PCDHA12: variants seen among roughly 807,000 people sequenced by gnomAD.
PCDHA12 encodes the protein protocadherin alpha-12.
In PCDHA12, 44 loss-of-function variants were observed where a neutral mutation model predicts 60.0. That is an observed-to-expected ratio of 0.73 (90% CI 0.58 to 0.94). The LOEUF is 0.94. PCDHA12 is among the 40% of genes least tolerant of loss of function. The probability of loss-of-function intolerance (pLI) is 0.00; values close to 1 mark genes in which losing one functional copy is unlikely to be tolerated. For synonymous variants in PCDHA12, 569 were observed against 553.0 expected, an observed-to-expected ratio of 1.03 and a Z score of -0.40; for missense variants, 1,276 against 1,239.7, an observed-to-expected ratio of 1.03 and a Z score of -0.44.
intron 1 of PCDHA12, chr5:140,929,246 C>A: frequency 6.2e-7 from 1 of 1,613,738 alleles, no homozygotes; most frequent in Non-Finnish European, 8.5e-7. Flanking sequence ...AATCTTGCCA[C>A]TGGGGTAGGA....
chr5:140,920,747 G>A (rs565649077), intron 1 of PCDHA12, among the ~76,000 whole-genome samples: 10 of 152,052 alleles, frequency 6.6e-5, no homozygotes, highest in African/African-American at 2.4e-4. Context: ...AGGAGGCTGA[G>A]GCAGGAGAAT....
chr5:140,927,526 G>A, intron 1 of PCDHA12: 1 of 1,614,086 alleles, frequency 6.2e-7, no homozygotes, highest in South Asian at 1.1e-5. Flanking sequence ...CGGGCTACCT[G>A]CCCGCTCAGG....
intron 1 of PCDHA12, among the ~76,000 whole-genome samples, chr5:140,938,996 A>C (rs1212565184): frequency 2.6e-5 from 4 of 152,206 alleles, no homozygotes; most frequent in Non-Finnish European, 4.4e-5. Context: ...TTATATAGTA[A>C]GTTAAGAAGT....
intron 1 of PCDHA12, among the ~76,000 whole-genome samples, chr5:140,971,002 C>A (rs2096450018): frequency 6.6e-6 from 1 of 152,136 alleles, no homozygotes; most frequent in Non-Finnish European, 1.5e-5. Context: ...CAAAGAGTTT[C>A]CAGAAGTCTT....
chr5:140,964,338 G>T (rs2153739261), intron 1 of PCDHA12, among the ~76,000 whole-genome samples: 1 of 152,320 alleles, frequency 6.6e-6, no homozygotes, highest in South Asian at 2.1e-4. Flanking sequence ...AACCTGGCAG[G>T]TGTCCTTGCT....
At chr5:140,920,859 C>T in intron 1 of PCDHA12, among the ~76,000 whole-genome samples, 1 of 142,452 alleles carries the variant, frequency 7.0e-6, no homozygotes, top group African/African-American at 2.6e-5. Flanking sequence ...AAAAAAAAAA[C>T]AAACAAACTG....
chr5:140,990,148 A>T (rs1236453414), intron 3 of PCDHA12, among the ~76,000 whole-genome samples: 1 of 152,146 alleles, frequency 6.6e-6, no homozygotes, highest in African/African-American at 2.4e-5. Flanking sequence ...AGGCATAATA[A>T]TAGAAAGTTA....
intron 1 of PCDHA12, among the ~76,000 whole-genome samples, chr5:140,963,787 A>G (rs155812): frequency 0.31 from 47,834 of 152,128 alleles, 7,882 homozygotes; most frequent in East Asian, 0.53. Context: ...AACAACAACA[A>G]TAATGTACTT....
intron 1 of PCDHA12, chr5:140,878,115 A>T: frequency 4.3e-6 from 1 of 232,352 alleles, no homozygotes; most frequent in Non-Finnish European, 8.1e-6. Flanking sequence ...AAAAAACAGT[A>T]TATTAGATTA....
chr5:140,948,312 G>A (rs2094238308), intron 1 of PCDHA12, among the ~76,000 whole-genome samples: 1 of 151,400 alleles, frequency 6.6e-6, no homozygotes, highest in African/African-American at 2.4e-5. Context: ...TTCTTCTTGA[G>A]GGGTAATGTT....
At chr5:140,974,931 A>G (rs555720345) in intron 1 of PCDHA12, among the ~76,000 whole-genome samples, 1 of 152,324 alleles carries the variant, frequency 6.6e-6, no homozygotes, top group African/African-American at 2.4e-5. Context: ...TGTTTAAAAC[A>G]CCACCTATTT....
rs558490430 is a variant in PCDHA12, at chr5:140,909,702, G to A, written c.2367+31863G>A. ...AGCCAATGTGGGGGTTCTGCTAGCT[G>A]CTAAGTATACCTATGCCAATTATGC... is the stretch of plus-strand genomic sequence containing the variant. On this transcript the variant is annotated intron_variant, in intron 1 of 3. Transcript: ENST00000398631. Among the ~76,000 whole-genome samples the A allele has an allele frequency of 3.3e-5, 5 of 152,302 alleles. No individual in the cohort carries two copies. In the East Asian group the frequency reaches 9.6e-4, roughly 29 times the overall value.
chr5:140,934,705 C>T (rs1235956763), intron 1 of PCDHA12, among the ~76,000 whole-genome samples: 8 of 152,132 alleles, frequency 5.3e-5, no homozygotes, highest in African/African-American at 1.9e-4. Flanking sequence ...TCCTGGCCAT[C>T]TTACAAAAAG....
chr5:140,968,132 A>G, intron 1 of PCDHA12: 1 of 1,614,082 alleles, frequency 6.2e-7, no homozygotes, highest in Non-Finnish European at 8.5e-7. Flanking sequence ...GCGTACACTG[A>G]AGGTTGAGAT....
At chr5:141,006,188 A>C (rs1319299509) in intron 3 of PCDHA12, among the ~76,000 whole-genome samples, 2 of 150,182 alleles carry the variant, frequency 1.3e-5, no homozygotes, top group Admixed American at 6.7e-5. Flanking sequence ...AGAGTTTGCT[A>C]TATGTATGTT....
At chr5:140,990,708 T>G (rs1201090744) in intron 3 of PCDHA12, among the ~76,000 whole-genome samples, 3 of 152,190 alleles carry the variant, frequency 2.0e-5, no homozygotes, top group African/African-American at 7.2e-5. Context: ...TTTATGGGGA[T>G]AAGAGCATCA....
At chr5:140,927,123 C>T (rs2083865957) in intron 1 of PCDHA12, 1 of 1,613,986 alleles carries the variant, frequency 6.2e-7, no homozygotes, top group Non-Finnish European at 8.5e-7. Context: ...ATTTGGTGGT[C>T]AGAGAGCCGG....
intron 1 of PCDHA12, chr5:140,968,800 A>G: frequency 6.2e-7 from 1 of 1,614,238 alleles, no homozygotes; most frequent in Non-Finnish European, 8.5e-7. Context: ...CCATTACAGT[A>G]GCTGTGGTGG....
At chr5:141,000,395 CTATATATA>C (rs1190667031) in intron 3 of PCDHA12, among the ~76,000 whole-genome samples, 7 of 53,980 alleles carry the variant, frequency 1.3e-4, no homozygotes, top group South Asian at 8.9e-4. Flanking sequence ...CTCTCTCTCT[CTATATATA>C]TATATATATA....
Sources: allele counts gnomAD v4.1 joint callset (sites outside exome capture counted in the v4.1 genomes callset), GRCh38; gene constraint gnomAD v4.1.1; transcripts MANE v1.5; gene names NCBI Gene and HGNC (gene_info 2026-07-23, HGNC 2026-07-21).